Variants in CSMD1 observed in about 807,000 individuals in gnomAD.
CSMD1 encodes the protein CUB and sushi domain-containing protein 1.
In CSMD1, 213 loss-of-function variants were observed where a neutral mutation model predicts 417.5. That is an observed-to-expected ratio of 0.51 (90% confidence interval 0.46 to 0.57). The LOEUF (loss-of-function observed/expected upper bound fraction) is 0.57, where lower values mean the gene tolerates loss of function less well. Among genes scored for constraint, CSMD1 ranks in the 20% least tolerant of loss-of-function variants. The pLI, the probability that CSMD1 is intolerant of heterozygous loss-of-function variation, is 0.00. For missense variants in CSMD1, 6,923 were observed against 4,529.7 expected, an observed-to-expected ratio of 1.53 and a Z score of -15.17; for synonymous variants, 2,862 against 1,736.8, an observed-to-expected ratio of 1.65 and a Z score of -16.11.
At chr8:3,899,743 G>C (rs1355227652) in intron 5 of CSMD1, among the ~76,000 whole-genome samples, 1 of 152,090 alleles carries the variant, frequency 6.6e-6, no homozygotes, top group African/African-American at 2.4e-5. Flanking sequence ...TTAGCAGTTG[G>C]AAGGGCTGTA....
chr8:3,783,136 A>T (rs1799269365), intron 5 of CSMD1, among the ~76,000 whole-genome samples: 1 of 152,110 alleles, frequency 6.6e-6, no homozygotes, highest in Admixed American at 6.5e-5. Context: ...ATCCAGAAGG[A>T]GATTATTTTT....
intron 47 of CSMD1, 118 bp from the exon 48 acceptor site, chr8:3,091,780 T>G: frequency 1.3e-6 from 1 of 799,148 alleles, no homozygotes; most frequent in South Asian, 2.2e-5. Context: ...ATATAATTAT[T>G]ACAAAAGTGG....
chr8:3,308,566 G>A lies in CSMD1; in HGVS notation c.3632-63C>T, dbSNP rs1454518895. 3 of 1,345,544 alleles carry A rather than the reference G, an allele frequency of 2.2e-6. No individual in the cohort carries two copies. In the South Asian group the frequency reaches 4.0e-5, roughly 18 times the overall value. 83.4% of individuals were successfully genotyped at this position (1,345,544 alleles called of 1,614,324 possible). A position where few individuals can be genotyped will look rare whatever the true frequency, so the allele number is the denominator to read the frequency against. On this transcript the variant is annotated intron_variant, in intron 23 of 69. Transcript: ENST00000635120. The stretch of plus-strand genomic sequence containing the variant: ...GGGTGGACATCTGCCTTAAAACAGA[G>A]ATGAAACAAACAAGGTTGCTAAATG...
At chr8:3,813,076 T>A (rs1268138729) in intron 5 of CSMD1, among the ~76,000 whole-genome samples, 2 of 148,758 alleles carry the variant, frequency 1.3e-5, no homozygotes, top group East Asian at 4.0e-4. Flanking sequence ...ACCAAGAAAA[T>A]TCTATTTTAA....
intron 3 of CSMD1, among the ~76,000 whole-genome samples, chr8:4,064,334 C>G (rs1204917401): frequency 1.3e-5 from 2 of 152,168 alleles, no homozygotes; most frequent in African/African-American, 4.8e-5. Flanking sequence ...TTCATAGTCA[C>G]CTGCTCTCTT....
chr8:4,438,597 G>A (rs1798280036), intron 2 of CSMD1, among the ~76,000 whole-genome samples: 2 of 152,108 alleles, frequency 1.3e-5, no homozygotes, highest in African/African-American at 4.8e-5. Context: ...GTCACATTGT[G>A]CTGAATCATG....
chr8:4,431,619 C>T (rs58995874), intron 2 of CSMD1, among the ~76,000 whole-genome samples: 4,382 of 151,758 alleles, frequency 0.029, 224 homozygotes, highest in African/African-American at 0.1. Context: ...AAAACCAAAA[C>T]GAAAAACAGA....
chr8:4,594,406 G>T (rs143012972), intron 2 of CSMD1, among the ~76,000 whole-genome samples: 1,626 of 151,752 alleles, frequency 0.011, 26 homozygotes, highest in African/African-American at 0.038. Context: ...CACCATGTTG[G>T]CCAGGCTGGT....
chr8:4,780,715 C>T (rs1797112884), intron 1 of CSMD1, among the ~76,000 whole-genome samples: 1 of 151,988 alleles, frequency 6.6e-6, no homozygotes, highest in Admixed American at 6.6e-5. Flanking sequence ...TATTTCTGAC[C>T]CCCTTCCCAC....
intron 2 of CSMD1, among the ~76,000 whole-genome samples, chr8:4,457,178 G>A (rs188314701): frequency 3.3e-5 from 5 of 152,146 alleles, no homozygotes; most frequent in Admixed American, 2.0e-4. Context: ...GGACCTAGAT[G>A]TGAAATGTGT....
intron 1 of CSMD1, among the ~76,000 whole-genome samples, chr8:4,643,939 A>G (rs774288449): frequency 1.3e-5 from 2 of 152,232 alleles, no homozygotes; most frequent in African/African-American, 2.4e-5. Flanking sequence ...ACCTGGAGCT[A>G]CTGACATCAG....
In CSMD1 at chr8:3,071,914, A is replaced by T. The variant is rs7844468; in HGVS notation, c.7474+15183T>A. ...CATAATTGAAACTCCTGTGCCCCTC[A>T]GTTGATCTCTACTGTTTTACTCCTC... On this transcript the variant is annotated intron_variant, in intron 49 of 69. Transcript: ENST00000635120. Among the ~76,000 whole-genome samples, 1,008 of 152,160 alleles carry T rather than the reference A, an allele frequency of 6.6e-3. 12 individuals are homozygous for T. The highest frequency in any genetic ancestry group is 0.011 in the Non-Finnish European group (753 of 67,986).
At chr8:3,715,379 C>T (rs576743434) in intron 6 of CSMD1, among the ~76,000 whole-genome samples, 1 of 152,278 alleles carries the variant, frequency 6.6e-6, no homozygotes, top group East Asian at 1.9e-4. Flanking sequence ...AAACCTGAGC[C>T]TCCAGGTCTG....
Position 4,923,156 on chromosome 8 carries a change from C to A in CSMD1, c.85+71176G>T, listed in dbSNP as rs75911349. On this transcript the variant is annotated intron_variant, in intron 1 of 69. Coordinates refer to ENST00000635120, the MANE Select transcript of CSMD1 (RefSeq NM_033225.6). ...GAAATATTTTTAAAATATATAATACCATCAATTTTTCAGTTTTAGATGACC... is the reference window on the plus strand; with the variant it reads ...GAAATATTTTTAAAATATATAATACAATCAATTTTTCAGTTTTAGATGACC... Among the ~76,000 whole-genome samples, 167 of 152,124 alleles carry A rather than the reference C, an allele frequency of 1.1e-3. 3 individuals carry two copies. The East Asian group carries it at 0.018, about 16-fold the overall frequency.
At chr8:3,543,302 T>C (rs970594369) in intron 10 of CSMD1, among the ~76,000 whole-genome samples, 16 of 152,142 alleles carry the variant, frequency 1.1e-4, no homozygotes, top group Non-Finnish European at 1.6e-4. Context: ...ATTAGAATAA[T>C]TTATGTTTTT....
chr8:3,479,273 T>G (rs972152417), intron 11 of CSMD1, among the ~76,000 whole-genome samples: 4 of 152,152 alleles, frequency 2.6e-5, no homozygotes, highest in African/African-American at 9.7e-5. Context: ...TTTTTGCCAT[T>G]ATTTTTATTT....
At chr8:4,054,041 G>A (rs1303871624) in intron 3 of CSMD1, among the ~76,000 whole-genome samples, 1 of 152,166 alleles carries the variant, frequency 6.6e-6, no homozygotes, top group Admixed American at 6.5e-5. Context: ...TGCTTAGGAA[G>A]TTCACTGAGA....
intron 1 of CSMD1, among the ~76,000 whole-genome samples, chr8:4,684,675 T>C (rs1012959338): frequency 2.6e-5 from 4 of 152,306 alleles, no homozygotes; most frequent in African/African-American, 4.8e-5. Flanking sequence ...AAATAATACA[T>C]GTGAAACATC....
intron 5 of CSMD1, among the ~76,000 whole-genome samples, chr8:3,989,206 C>G (rs535224589): frequency 1.3e-5 from 2 of 152,148 alleles, no homozygotes; most frequent in Non-Finnish European, 2.9e-5. Context: ...AGGGATGTGG[C>G]AATCACTTCT....
Sources: gnomAD v4.1 joint callset for allele counts (sites outside exome capture counted in the v4.1 genomes callset) on GRCh38, gnomAD v4.1.1 for gene constraint, MANE v1.5 for transcripts, NCBI Gene and HGNC (gene_info 2026-07-23, HGNC 2026-07-21) for gene names.